Variants in ACSL4 observed in about 807,000 individuals in gnomAD.
ACSL4 encodes the protein acyl-CoA synthetase long chain family member 4.
ACSL4 carries 9 observed loss-of-function variants against 49.1 expected under a neutral mutation model. The ratio of observed to expected loss-of-function variants is 0.18; its 90% CI spans 0.11 to 0.32. ACSL4 has a LOEUF of 0.32. Ranked by LOEUF, ACSL4 falls within the 10% of genes least tolerant of loss-of-function variation. ACSL4 has a pLI of 1.00. For synonymous variants in ACSL4, 191 were observed against 170.3 expected (o/e 1.12, Z -0.95); for missense variants, 333 against 493.7 (o/e 0.67, Z 3.08).
At chrX:109,720,809 G>C (rs1157301949) in intron 1 of ACSL4, among the ~76,000 whole-genome samples, 1 of 111,835 alleles carries the variant, frequency 8.9e-6, no homozygotes, top group Non-Finnish European at 1.9e-5. Flanking sequence ...TCTTTGCTTT[G>C]CTTGCTGACA....
At chrX:109,687,303 C>A (rs1156330632) in intron 2 of ACSL4, among the ~76,000 whole-genome samples, 1 of 111,673 alleles carries the variant, frequency 9.0e-6, no homozygotes, top group East Asian at 2.8e-4. Flanking sequence ...AGCATCGTAC[C>A]CATCATTAGG....
intron 11 of ACSL4, among the ~76,000 whole-genome samples, chrX:109,666,297 G>A (rs1310356966): frequency 1.8e-5 from 2 of 111,959 alleles, no homozygotes; most frequent in Non-Finnish European, 3.8e-5. Context: ...TTAAAAGATG[G>A]TTGTGATCAA....
At chrX:109,648,698 T>C (rs1186009033) in intron 15 of ACSL4, among the ~76,000 whole-genome samples, 5 of 108,201 alleles carry the variant, frequency 4.6e-5, no homozygotes, top group Admixed American at 1.0e-4. Flanking sequence ...GAGAAGGAAA[T>C]AAAGGGTATT....
intron 15 of ACSL4, among the ~76,000 whole-genome samples, chrX:109,644,579 G>A (rs995052152): frequency 6.3e-5 from 7 of 111,970 alleles, no homozygotes; most frequent in African/African-American, 2.3e-4. Context: ...CAATAAAGTT[G>A]TGTGTCACTT....
At chrX:109,676,265 A>C (rs1923675295) in intron 8 of ACSL4, among the ~76,000 whole-genome samples, 1 of 111,072 alleles carries the variant, frequency 9.0e-6, no homozygotes, top group South Asian at 3.8e-4. Flanking sequence ...AAAAAAAAAA[A>C]CACAAAGGTG....
chrX:109,668,052 T>C lies in ACSL4; in HGVS notation c.1315+49A>G, dbSNP rs1922831940. On this transcript the variant is annotated intron_variant, in intron 11 of 15. Coordinates refer to ENST00000672401, the MANE Select transcript of ACSL4 (RefSeq NM_001318510.2). ...TTTCCAAAGGTAATGCGAATGTATT[T>C]TATTAGTAGCAGCTGATACAGAATA... 3.0e-6 allele frequency: 3 copies of C among 989,072 alleles called. No homozygotes were observed. In the East Asian group the frequency reaches 9.2e-5, roughly 30 times the overall value. 81.5% of individuals were successfully genotyped at this position (989,072 alleles called of 1,213,427 possible). A position where few individuals can be genotyped will look rare whatever the true frequency, so the allele number is the denominator to read the frequency against.
At chrX:109,652,690 A>G (rs1225872119) in intron 15 of ACSL4, among the ~76,000 whole-genome samples, 2 of 111,523 alleles carry the variant, frequency 1.8e-5, no homozygotes, top group Non-Finnish European at 3.8e-5. Context: ...TAGAAATACT[A>G]TATTGAGAGC....
intron 8 of ACSL4, among the ~76,000 whole-genome samples, chrX:109,677,652 G>C (rs1298697091): frequency 9.1e-6 from 1 of 109,563 alleles, no homozygotes; most frequent in Non-Finnish European, 1.9e-5. Flanking sequence ...ATGGTGGCGG[G>C]CGCCTGCAAT....
At chrX:109,679,465 A>G (rs1296203609) in intron 6 of ACSL4, among the ~76,000 whole-genome samples, 2 of 112,721 alleles carry the variant, frequency 1.8e-5, no homozygotes, top group African/African-American at 6.4e-5. Flanking sequence ...TTTTTAAAAC[A>G]GTGAGCTATA....
At chrX:109,677,785 A>T (rs139726791) in intron 8 of ACSL4, among the ~76,000 whole-genome samples, 29 of 112,088 alleles carry the variant, frequency 2.6e-4, no homozygotes, top group African/African-American at 7.1e-4. Context: ...AAGAAAAAAA[A>T]AATAATTTTA....
chrX:109,682,162 TCAACAAA>T (rs1924215621), intron 4 of ACSL4, among the ~76,000 whole-genome samples: 1 of 112,143 alleles, frequency 8.9e-6, no homozygotes, highest in Non-Finnish European at 1.9e-5. Context: ...TATATTTCAT[TCAACAAA>T]CAACAGAGTA....
chrX:109,671,154 G>A (rs1923178237), intron 9 of ACSL4, among the ~76,000 whole-genome samples: 1 of 105,449 alleles, frequency 9.5e-6, no homozygotes, highest in East Asian at 3.1e-4. Flanking sequence ...GCCTCTTCCC[G>A]GCCGTCATCC....
At chrX:109,673,878 T>A (rs937367519) in intron 9 of ACSL4, among the ~76,000 whole-genome samples, 1 of 110,798 alleles carries the variant, frequency 9.0e-6, no homozygotes, top group Non-Finnish European at 1.9e-5. Context: ...AAATGTAACA[T>A]CTTTTTTTTT....
At chrX:109,658,584 G>T (rs1199869664) in intron 15 of ACSL4, among the ~76,000 whole-genome samples, 1 of 111,911 alleles carries the variant, frequency 8.9e-6, no homozygotes, top group Non-Finnish European at 1.9e-5. Flanking sequence ...GCACTGTACC[G>T]GTAACACCAG....
chrX:109,648,174 T>G (rs1157414659), intron 15 of ACSL4, among the ~76,000 whole-genome samples: 2 of 111,872 alleles, frequency 1.8e-5, no homozygotes, highest in African/African-American at 6.5e-5. Flanking sequence ...ACTCATTTTA[T>G]GAGGCCAGCA....
At chrX:109,714,444 A>G (rs757255383) in intron 1 of ACSL4, among the ~76,000 whole-genome samples, 102 of 112,054 alleles carry the variant, frequency 9.1e-4, no homozygotes, top group African/African-American at 3.1e-3. Flanking sequence ...TTAGTGTAGC[A>G]TAAGTGTACA....
intron 1 of ACSL4, 32 bp downstream of exon 1, chrX:109,733,107 G>C (rs922604978): frequency 3.0e-6 from 1 of 327,893 alleles, no homozygotes; most frequent in Non-Finnish European, 5.9e-6. Flanking sequence ...AGGGGTGCCG[G>C]GGCCGCAACC....
In ACSL4 at chrX:109,683,360, C is replaced by A. The variant is rs2099420026; in HGVS notation, c.4G>T (p.Ala2Ser). 8.3e-7 allele frequency: 1 copy of A among 1,210,038 alleles called. No individual in the cohort carries two copies. Among genetic ancestry groups the A allele is most frequent in the African/African-American group, 1.7e-5 (1 of 57,215 alleles). The part of the protein sequence containing the change: M[A>S]KRIKAKPTSD... ...GTGGGCTTAGCTTTTATTCTCTTTG[C>A]CATAGCGTTTTTCTTCTTGGCATTG... is the stretch of plus-strand genomic sequence containing the variant. The change falls in exon 3 of 16, where the codon GCA becomes TCA. Residue 2 changes from alanine (A) to serine (S), a missense_variant. Transcript: ENST00000672401.
intron 1 of ACSL4, among the ~76,000 whole-genome samples, chrX:109,723,972 T>C (rs1296733333): frequency 2.7e-5 from 3 of 112,338 alleles, no homozygotes; most frequent in Admixed American, 1.9e-4. Flanking sequence ...CCAGTACTTC[T>C]TTTCCTGGGA....
Sources: gnomAD v4.1 joint callset for allele counts (sites outside exome capture counted in the v4.1 genomes callset) on GRCh38, gnomAD v4.1.1 for gene constraint, MANE v1.5 for transcripts, NCBI Gene and HGNC (gene_info 2026-07-23, HGNC 2026-07-21) for gene names.